SEMA6D: variants seen among roughly 807,000 people sequenced by gnomAD.
SEMA6D encodes semaphorin 6D.
SEMA6D carries 35 observed loss-of-function variants against 106.6 expected under a neutral mutation model. The ratio of observed to expected loss-of-function variants is 0.33; its 90% CI spans 0.25 to 0.44. SEMA6D has a LOEUF of 0.44. Among genes scored for constraint, SEMA6D ranks in the 20% least tolerant of loss-of-function variants. The pLI is 1.00. For synonymous variants in SEMA6D, 499 were observed against 487.7 expected (o/e 1.02, Z -0.31); for missense variants, 1,185 against 1,345.9 (o/e 0.88, Z 1.87).
At chr15:47,491,183 A>G (rs1596138874) in intron 3 of SEMA6D, among the ~76,000 whole-genome samples, 1 of 152,218 alleles carries the variant, frequency 6.6e-6, no homozygotes, top group Admixed American at 6.5e-5. Flanking sequence ...AAATAAAAAA[A>G]GTTTTCTAAT....
intron 3 of SEMA6D, among the ~76,000 whole-genome samples, chr15:47,522,597 A>T (rs994274168): frequency 6.6e-6 from 1 of 152,166 alleles, no homozygotes; most frequent in Non-Finnish European, 1.5e-5. Flanking sequence ...AGGAAGCCAA[A>T]GGGGGTCTTT....
intron 1 of SEMA6D, among the ~76,000 whole-genome samples, chr15:47,283,879 T>G (rs994633332): frequency 6.6e-6 from 1 of 152,200 alleles, no homozygotes; most frequent in Non-Finnish European, 1.5e-5. Flanking sequence ...TGATCACATC[T>G]GCTGCCGCTG....
intron 1 of SEMA6D, among the ~76,000 whole-genome samples, chr15:47,293,742 C>G (rs2035686245): frequency 6.6e-6 from 1 of 152,186 alleles, no homozygotes; most frequent in Admixed American, 6.5e-5. Context: ...AAACTCAGAA[C>G]TGGTTTAATG....
At chr15:47,715,579 T>C (rs2079095309), upstream of SEMA6D, among the ~76,000 whole-genome samples, 1 of 152,158 alleles carries the variant, frequency 6.6e-6, no homozygotes, top group African/African-American at 2.4e-5. Context: ...GACTCCGAAG[T>C]CTTCACTGAT....
At chr15:47,474,813 C>T (rs897419370) in intron 3 of SEMA6D, among the ~76,000 whole-genome samples, 6 of 152,160 alleles carry the variant, frequency 3.9e-5, no homozygotes, top group Non-Finnish European at 8.8e-5. Context: ...TAGACAATGA[C>T]GTGTGATTGG....
At chr15:47,484,078 C>T (rs1023269756) in intron 3 of SEMA6D, among the ~76,000 whole-genome samples, 7 of 152,178 alleles carry the variant, frequency 4.6e-5, no homozygotes, top group Non-Finnish European at 1.0e-4. Flanking sequence ...TTGTTAGCCT[C>T]AGAAGTGTCT....
chr15:47,682,075 G>T (rs1487526741), intron 4 of SEMA6D, among the ~76,000 whole-genome samples: 1 of 152,042 alleles, frequency 6.6e-6, no homozygotes, highest in Non-Finnish European at 1.5e-5. Context: ...GGGGATGTAT[G>T]TAAACCCCTA....
At chr15:47,453,881 A>G (rs930238572) in intron 2 of SEMA6D, among the ~76,000 whole-genome samples, 5 of 151,954 alleles carry the variant, frequency 3.3e-5, no homozygotes, top group Admixed American at 6.6e-5. Context: ...AGCCCTCCTC[A>G]TCTGAGGCCC....
At chr15:47,319,691 T>C (rs917349288) in intron 1 of SEMA6D, among the ~76,000 whole-genome samples, 1 of 152,128 alleles carries the variant, frequency 6.6e-6, no homozygotes, top group Admixed American at 6.5e-5. Context: ...GGGCACACCT[T>C]ATTAAGAAGA....
chr15:47,354,211 A>C (rs112180549), intron 1 of SEMA6D, among the ~76,000 whole-genome samples: 53 of 50,946 alleles, frequency 1.0e-3, no homozygotes, highest in East Asian at 4.3e-3. Context: ...ATATATATAT[A>C]TATATATATA....
intron 4 of SEMA6D, among the ~76,000 whole-genome samples, chr15:47,709,423 CTCT>C (rs2078974235): frequency 6.6e-6 from 1 of 152,210 alleles, no homozygotes; most frequent in African/African-American, 2.4e-5. Flanking sequence ...CCTGCCACGA[CTCT>C]AAATGATAAA....
chr15:47,444,869 T>A (rs975534539), intron 2 of SEMA6D, among the ~76,000 whole-genome samples: 4 of 152,088 alleles, frequency 2.6e-5, no homozygotes, highest in African/African-American at 9.7e-5. Context: ...ACCAGCTCAG[T>A]GTCCTCTTGG....
intron 1 of SEMA6D, among the ~76,000 whole-genome samples, chr15:47,367,109 T>C (rs2039057901): frequency 6.6e-6 from 1 of 152,190 alleles, no homozygotes; most frequent in African/African-American, 2.4e-5. Flanking sequence ...CTCATAGAGT[T>C]GGGGTGAGTT....
chr15:47,552,106 C>A (rs1247510526), intron 3 of SEMA6D, among the ~76,000 whole-genome samples: 1 of 151,946 alleles, frequency 6.6e-6, no homozygotes, highest in Non-Finnish European at 1.5e-5. Context: ...ATACTAGAAA[C>A]CATCTAAGTG....
At chr15:47,360,906 T>G (rs2038781257) in intron 1 of SEMA6D, among the ~76,000 whole-genome samples, 1 of 152,222 alleles carries the variant, frequency 6.6e-6, no homozygotes, top group Non-Finnish European at 1.5e-5. Context: ...AAACATATGT[T>G]TACATCTGTC....
At position 47,431,222 on chromosome 15, in the gene SEMA6D, A is replaced by G. The variant is rs565078336; in HGVS notation, c.-159+18750A>G. Among the ~76,000 whole-genome samples the G allele has an allele frequency of 2.0e-5, 3 of 152,200 alleles. No individual in the cohort carries two copies. In the Middle Eastern group the frequency reaches 0.01, roughly 518 times the overall value. On this transcript the variant is annotated intron_variant, in intron 2 of 19. Transcript: ENST00000558014. ...GTGAGTCTTAAGATTTCTCTTTGTA[A>G]TATTTGATTTAAGGGACTTTTATCA...
intron 1 of SEMA6D, among the ~76,000 whole-genome samples, chr15:47,382,904 A>G (rs2039692603): frequency 6.6e-6 from 1 of 151,574 alleles, no homozygotes; most frequent in South Asian, 2.1e-4. Context: ...AGTAGCTGAG[A>G]TTACAGGTGT....
intron 1 of SEMA6D, among the ~76,000 whole-genome samples, chr15:47,387,896 TTAAA>T (rs778260066): frequency 3.3e-5 from 5 of 152,218 alleles, no homozygotes; most frequent in South Asian, 2.1e-4. Flanking sequence ...TTTGTAAGAA[TTAAA>T]TAAAGTAATT....
chr15:47,696,799 G>A (rs755832729), intron 4 of SEMA6D, among the ~76,000 whole-genome samples: 3 of 152,196 alleles, frequency 2.0e-5, no homozygotes, highest in Non-Finnish European at 4.4e-5. Flanking sequence ...GTTCATAGAT[G>A]TAGGTACAAT....
Sources: gnomAD v4.1 joint callset for allele counts (sites outside exome capture counted in the v4.1 genomes callset) on GRCh38, gnomAD v4.1.1 for gene constraint, MANE v1.5 for transcripts, NCBI Gene and HGNC (gene_info 2026-07-23, HGNC 2026-07-21) for gene names.